Variants in APC2 observed in about 807,000 individuals in gnomAD.
APC2 encodes the protein adenomatous polyposis coli protein 2.
In APC2, 41 loss-of-function variants were observed where a neutral mutation model predicts 72.5. The ratio of observed to expected loss-of-function variants is 0.57; its 90% CI spans 0.44 to 0.73. The LOEUF (loss-of-function observed/expected upper bound fraction) is 0.73, where lower values mean the gene tolerates loss of function less well. Among genes scored for constraint, APC2 ranks in the 30% least tolerant of loss-of-function variants. APC2 has a pLI of 0.00. For synonymous variants in APC2, 1,898 were observed against 1,612.0 expected (o/e 1.18, Z -4.25); for missense variants, 3,729 against 3,403.4 (o/e 1.10, Z -2.38).
At chr19:1,462,844 G>A (rs2083949452) in intron 14 of APC2, among the ~76,000 whole-genome samples, 1 of 149,346 alleles carries the variant, frequency 6.7e-6, no homozygotes, top group Non-Finnish European at 1.5e-5. Flanking sequence ...GGTGGTGGGT[G>A]CCTGTAGTCC....
chr19:1,453,566 T>G lies in APC2; in HGVS notation c.368T>G (p.Leu123Arg). 4 of 1,610,618 alleles carry G rather than the reference T, an allele frequency of 2.5e-6. No homozygotes were observed. The highest frequency in any genetic ancestry group is 3.4e-6 in the Non-Finnish European group (4 of 1,179,110). The change falls in exon 4 of 15, where the codon CTG becomes CGG. Residue 123 changes from leucine to arginine, a missense_variant. Physicochemically the swap from Leu to Arg is moderately radical, Grantham distance 102 (BLOSUM62 -2). Coordinates refer to ENST00000590469, the MANE Select transcript of APC2 (RefSeq NM_005883.3). ...CCCTCCAAGGACAGCTTTGGGGAGC[T>G]GAGCCGGGCCACCATCCGGCTGCTG... ...SGPSKDSFGE[L>R]SRATIRLLEE...
rs144030108 is a variant in APC2 at position 1,452,683 on chromosome 19, C to T, written c.-18-301C>T. The T allele has an allele frequency of 3.2e-4, 111 of 350,962 alleles. 2 individuals carry two copies. Among genetic ancestry groups the T allele is most frequent in the Middle Eastern group, 2.5e-3 (3 of 1,204 alleles). The allele number at this position is 350,962 out of a possible 1,614,324, so 21.7% of individuals were successfully genotyped here. Reference sequence around the variant, plus strand: ...GTCCTGGGGGCTGGGAAGGAGAGGCCGACCCATCGTCTGTCGGTCGACTGG... The same window carrying T: ...GTCCTGGGGGCTGGGAAGGAGAGGCTGACCCATCGTCTGTCGGTCGACTGG... On this transcript the variant is annotated intron_variant, in intron 1 of 14. Coordinates refer to ENST00000590469, the MANE Select transcript of APC2 (RefSeq NM_005883.3). This position sits in a 1 kb window ranked among gnomAD's most constrained non-coding sequence, Gnocchi z 5.1.
At position 1,470,338 on chromosome 19, in the gene APC2, C is replaced by G. The variant is rs1009664944; in HGVS notation, c.*125C>G. 5 of 1,296,874 alleles carry G rather than the reference C, an allele frequency of 3.9e-6. No homozygotes were observed. The African/African-American group carries it at 7.8e-5, about 20-fold the overall frequency. 80.3% of individuals were successfully genotyped at this position (1,296,874 alleles called of 1,614,324 possible). On this transcript the variant is annotated 3_prime_UTR_variant, in exon 15 of 15. Coordinates refer to ENST00000590469, the MANE Select transcript of APC2 (RefSeq NM_005883.3). Reference sequence around the variant, plus strand: ...AGGGCCTCTGCCCACCCGAGCCCCACCACTCTCAGAACCCCCGCCCAGCGC... The same window carrying G: ...AGGGCCTCTGCCCACCCGAGCCCCAGCACTCTCAGAACCCCCGCCCAGCGC...
chr19:1,467,072 C>A lies in APC2; in HGVS notation c.3771C>A (p.Asp1257Glu). 6.2e-7 allele frequency: 1 copy of A among 1,611,398 alleles called. No homozygotes were observed. Among genetic ancestry groups the A allele is most frequent in the Non-Finnish European group, 8.5e-7 (1 of 1,179,490 alleles). The change falls in exon 15 of 15, where the codon GAC (aspartate) becomes GAA (glutamate). Residue 1257 changes from aspartate to glutamate, a missense_variant. Coordinates refer to ENST00000590469, the MANE Select transcript of APC2 (RefSeq NM_005883.3). ...GCTGCCGGCTGCCATCTGAGCTGGACGCAGGCAGCGTGCGCTTTACCGTGG... is the reference window on the plus strand; with the variant it reads ...GCTGCCGGCTGCCATCTGAGCTGGAAGCAGGCAGCGTGCGCTTTACCGTGG... ...RERCRLPSEL[D>E]AGSVRFTVEK...
At position 1,472,937 on chromosome 19, in the gene APC2, C is replaced by A. The variant is rs911510093; in HGVS notation, c.*2724C>A. The stretch of plus-strand genomic sequence containing the variant: ...GCCACTGGCCCCCAACATGACCACA[C>A]GTGGGTGCTGAACTCGGGGCGCCGT... On this transcript the variant is annotated 3_prime_UTR_variant, in exon 15 of 15. Transcript: ENST00000590469. The A allele has an allele frequency of 2.0e-5, 3 of 152,324 alleles. No individual in the cohort carries two copies. In the East Asian group the frequency reaches 5.8e-4, roughly 29 times the overall value. The allele number at this position is 152,324 out of a possible 1,614,324, so 9.4% of individuals were successfully genotyped here. A position where few individuals can be genotyped will look rare whatever the true frequency, so the allele number is the denominator to read the frequency against.
Position 1,453,355 on chromosome 19 carries a change from C to A in APC2, c.232+18C>A, listed in dbSNP as rs761185410. The A allele has an allele frequency of 4.3e-6, 7 of 1,611,078 alleles. No individual in the cohort carries two copies. In the African/African-American group the frequency reaches 8.0e-5, roughly 18 times the overall value. ...GCTGAAGGGTGAGCGGTGGGGCCAC[C>A]CGCAGAGGGAGTGGGGGAGGCTGGG... On this transcript the variant is annotated intron_variant, in intron 3 of 14. Transcript: ENST00000590469.
At chr19:1,447,091 G>A (rs1421003926), upstream of APC2, among the ~76,000 whole-genome samples, 1 of 152,202 alleles carries the variant, frequency 6.6e-6, no homozygotes, top group Non-Finnish European at 1.5e-5. Flanking sequence ...CCATAGCGGC[G>A]GTCAGGCTTC....
In APC2 at chr19:1,466,210, A is replaced by G. The variant is rs1238795119; in HGVS notation, c.2909A>G (p.Asp970Gly). Residue 970 changes from aspartate (D) to glycine (G), a missense_variant, in exon 15 of 15, where the codon GAC becomes GGC. Asp to Gly is a moderately conservative substitution (Grantham distance 94, BLOSUM62 -1). Transcript: ENST00000590469. ...CCTCGGCCCAGCCGGCTTGACCTTG[A>G]CCTGCCCGGCTGCCAGGCCGAGCCC... Reference protein sequence around the residue: ...GQPRPSRLDLDLPGCQAEPPA... With the variant: ...GQPRPSRLDLGLPGCQAEPPA... 3 of 1,555,122 alleles carry G rather than the reference A, an allele frequency of 1.9e-6. No individual in the cohort carries two copies. The highest frequency in any genetic ancestry group is 2.7e-5 in the African/African-American group (2 of 72,764).
At chr19:1,464,237 A>G (rs1284434722) in intron 14 of APC2, among the ~76,000 whole-genome samples, 1 of 152,136 alleles carries the variant, frequency 6.6e-6, no homozygotes, top group Non-Finnish European at 1.5e-5. Context: ...TGAACCCAGG[A>G]GGTGGAGGTT....
In APC2 at chr19:1,467,323, A is replaced by G; in HGVS notation, c.4022A>G (p.Glu1341Gly). Residue 1341 changes from glutamate to glycine, a missense_variant, in exon 15 of 15, where the codon GAA becomes GGA. Coordinates refer to ENST00000590469, the MANE Select transcript of APC2 (RefSeq NM_005883.3). ...CGCGGCGCCGCGGACCAGGAGCTGGAACTGCTGCGGGAGTGCCTGGGAGCC... is the reference window on the plus strand; with the variant it reads ...CGCGGCGCCGCGGACCAGGAGCTGGGACTGCTGCGGGAGTGCCTGGGAGCC... ...RPRGAADQEL[E>G]LLRECLGAAV... 2 of 1,394,856 alleles carry G rather than the reference A, an allele frequency of 1.4e-6. No homozygotes were observed. Among genetic ancestry groups the G allele is most frequent in the Non-Finnish European group, 1.9e-6 (2 of 1,077,888 alleles). The allele number at this position is 1,394,856 out of a possible 1,614,324, so 86.4% of individuals were successfully genotyped here. A position where few individuals can be genotyped will look rare whatever the true frequency, so the allele number is the denominator to read the frequency against.
chr19:1,457,264 G>A, intron 9 of APC2, 21 bp downstream of exon 9: 1 of 1,496,764 alleles, frequency 6.7e-7, no homozygotes, highest in Non-Finnish European at 8.9e-7. Flanking sequence ...GGCCTGGTGG[G>A]CCCCCTCCGC....
chr19:1,457,840 T>C, intron 9 of APC2, 125 bp from the exon 10 acceptor site: 1 of 787,518 alleles, frequency 1.3e-6, no homozygotes, highest in Non-Finnish European at 2.1e-6. Flanking sequence ...AAGTCCCAAC[T>C]TTGCAGCCAT....
rs112629291 is a variant in APC2, at chr19:1,462,225, G to A, written c.1853+48G>A. 6.1e-4 allele frequency: 907 copies of A among 1,487,140 alleles called. 4 individuals are homozygous for A. The African/African-American group carries it at 9.6e-3, about 16-fold the overall frequency. 92.1% of individuals were successfully genotyped at this position (1,487,140 alleles called of 1,614,324 possible). A position where few individuals can be genotyped will look rare whatever the true frequency, so the allele number is the denominator to read the frequency against. On this transcript the variant is annotated intron_variant, in intron 14 of 14. Transcript: ENST00000590469. ...GCACACAGGCAGCTGCGCTCGGGGC[G>A]GGCACAGGGCTGGGCTGGGCACTGT...
Position 1,467,532 on chromosome 19 carries a change from C to T in APC2, c.4231C>T (p.Leu1411=). Residue 1411 remains leucine (L), a synonymous_variant, in exon 15 of 15, where the codon CTG becomes TTG. Coordinates refer to ENST00000590469, the MANE Select transcript of APC2 (RefSeq NM_005883.3). ...CGCCGCCTCGCTCAGCGACGAGACGCTGCAGGGACCCCCCAGGGACCAGCC... is the reference window on the plus strand; with the variant it reads ...CGCCGCCTCGCTCAGCGACGAGACGTTGCAGGGACCCCCCAGGGACCAGCC... ...SSAASLSDET[L]QGPPRDQPGG... is the part of the protein sequence containing the mutation. The T allele has an allele frequency of 6.7e-7, 1 of 1,486,106 alleles. No individual in the cohort carries two copies. 92.1% of individuals were successfully genotyped at this position (1,486,106 alleles called of 1,614,324 possible).
intron 8 of APC2, among the ~76,000 whole-genome samples, chr19:1,456,630 C>G (rs1157794494): frequency 1.3e-5 from 2 of 152,118 alleles, no homozygotes; most frequent in Admixed American, 1.3e-4. Context: ...ATAGACGTCC[C>G]CGTGGAGTCC....
chr19:1,456,254 G>T (rs1167504735), intron 7 of APC2, 52 bp from the exon 8 acceptor site: 1 of 1,569,010 alleles, frequency 6.4e-7, no homozygotes, highest in Admixed American at 1.8e-5. Flanking sequence ...TCACGGGTGA[G>T]CAGACTGGGT....
chr19:1,449,520 G>A (rs893372648), upstream of APC2, among the ~76,000 whole-genome samples: 18 of 152,212 alleles, frequency 1.2e-4, no homozygotes, highest in African/African-American at 3.9e-4. Flanking sequence ...GAGACAGAAA[G>A]AGAGAGGGAC....
chr19:1,470,556 C>T lies in APC2; in HGVS notation c.*343C>T, dbSNP rs1047779556. ...CCCGGGCGAGGGAGGCGGTAGCCTC[C>T]GGGTCCGGGTCTGGGTCTGGGTCCG... On this transcript the variant is annotated 3_prime_UTR_variant, in exon 15 of 15. Transcript: ENST00000590469. 4.4e-5 allele frequency: 10 copies of T among 229,446 alleles called. No individual in the cohort carries two copies. The South Asian group carries it at 9.3e-4, about 21-fold the overall frequency. The allele number at this position is 229,446 out of a possible 1,614,324, so 14.2% of individuals were successfully genotyped here. A position where few individuals can be genotyped will look rare whatever the true frequency, so the allele number is the denominator to read the frequency against.
In APC2 at chr19:1,458,926, C is replaced by T. The variant is rs567954480; in HGVS notation, c.1303+866C>T. ...CTCAAACTCCTGGCCTCGGGTGATC[C>T]GCCCACCTCGGCCTCCCAAAGTGCC... On this transcript the variant is annotated intron_variant, in intron 10 of 14. Transcript: ENST00000590469. 3.5e-3 allele frequency among the ~76,000 whole-genome samples: 535 copies of T among 152,182 alleles called. 1 individual carries two copies. The highest frequency in any genetic ancestry group is 5.5e-3 in the Non-Finnish European group (372 of 68,020).
Sources: allele counts gnomAD v4.1 joint callset (sites outside exome capture counted in the v4.1 genomes callset), GRCh38; gene constraint gnomAD v4.1.1; non-coding constraint Gnocchi (gnomAD v3.1); transcripts MANE v1.5; gene names NCBI Gene and HGNC (gene_info 2026-07-23, HGNC 2026-07-21).